Variants in UBE2S observed in about 807,000 individuals in gnomAD.
UBE2S encodes the protein ubiquitin conjugating enzyme E2 S.
UBE2S carries 3 observed loss-of-function variants against 12.3 expected under a neutral mutation model. The ratio of observed to expected loss-of-function variants is 0.24; its 90% CI spans 0.11 to 0.63. UBE2S has a LOEUF of 0.63. Ranked by LOEUF, UBE2S falls within the 30% of genes least tolerant of loss-of-function variation. The pLI, the probability that UBE2S is intolerant of heterozygous loss-of-function variation, is 0.85. For synonymous variants in UBE2S, 133 were observed against 142.0 expected (o/e 0.94, Z 0.45); for missense variants, 211 against 313.9 (o/e 0.67, Z 2.48).
At chr19:55,407,037 C>G in intron 1 of UBE2S, 75 bp from the exon 2 acceptor site, 2 of 1,541,886 alleles carry the variant, frequency 1.3e-6, no homozygotes, top group East Asian at 4.6e-5. Flanking sequence ...GATGCTGAGA[C>G]TGCCCAAGTC....
intron 3 of UBE2S, among the ~76,000 whole-genome samples, chr19:55,402,142 A>G (rs1193026585): frequency 2.6e-5 from 4 of 152,198 alleles, no homozygotes; most frequent in Non-Finnish European, 5.9e-5. Flanking sequence ...GCAGTTCAGC[A>G]TGACCTTAGA....
chr19:55,404,000 C>T (rs2090080199), intron 3 of UBE2S: 2 of 376,144 alleles, frequency 5.3e-6, no homozygotes, highest in Non-Finnish European at 9.9e-6. Context: ...CCTGGCCTAC[C>T]CTATCCTTGT....
chr19:55,403,146 C>T, intron 3 of UBE2S: 1 of 739,748 alleles, frequency 1.4e-6, no homozygotes, highest in Non-Finnish European at 2.4e-6. Context: ...CCTTTCTGGT[C>T]TCCTGACAAT....
chr19:55,405,211 C>CAAAAAA (rs71181761), intron 2 of UBE2S, among the ~76,000 whole-genome samples: 16 of 95,190 alleles, frequency 1.7e-4, no homozygotes, highest in East Asian at 4.2e-4. Flanking sequence ...ACTCTGTTTC[C>CAAAAAA]AAAAAAAAAA....
chr19:55,401,835 G>T (rs2090061768), intron 3 of UBE2S, 73 bp from the exon 4 acceptor site: 1 of 1,525,162 alleles, frequency 6.6e-7, no homozygotes, highest in Non-Finnish European at 9.0e-7. Context: ...CAAGAGGGTG[G>T]CCTCCGCACT....
chr19:55,403,330 A>T (rs534205405), intron 3 of UBE2S: 1 of 529,188 alleles, frequency 1.9e-6, no homozygotes, highest in African/African-American at 1.9e-5. Flanking sequence ...AAACCATAAA[A>T]ATATAAAAAC....
chr19:55,403,499 AAAGAAAGGAAAGAAAGGG>A (rs1257516935), intron 3 of UBE2S, among the ~76,000 whole-genome samples: 1 of 123,254 alleles, frequency 8.1e-6, no homozygotes, highest in Non-Finnish European at 1.6e-5. Flanking sequence ...AAACAAAAAG[AAAGAAAGGAAAGAAAGGG>A]AAGAAAGAAA....
At position 55,407,721 on chromosome 19, in the gene UBE2S, C is replaced by G. The variant is rs887841999; in HGVS notation, c.-132G>C. ...CCCGGCGGCCCCGCTCCGCTCCCCG[C>G]TGCCTCCGACGTCCGCCGCGCACAG... On this transcript the variant is annotated 5_prime_UTR_variant, in exon 1 of 4. Coordinates refer to ENST00000264552, the MANE Select transcript of UBE2S (RefSeq NM_014501.3). The G allele has an allele frequency of 8.7e-5, 55 of 631,398 alleles. No homozygotes were observed. The highest frequency in any genetic ancestry group is 8.2e-4 in the Admixed American group (18 of 21,892). The allele number at this position is 631,398 out of a possible 1,614,324, so 39.1% of individuals were successfully genotyped here.
At position 55,403,506 on chromosome 19, in the gene UBE2S, GGAAA is replaced by G. The variant is rs200895357; in HGVS notation, c.342+778_342+781del. On this transcript the variant is annotated intron_variant, in intron 3 of 3. Coordinates refer to ENST00000264552, the MANE Select transcript of UBE2S (RefSeq NM_014501.3). ...TATCTTTAAAACAAAAAGAAAGAAA[GGAAA>G]GAAAGGGAAGAAAGAAAAAGGAAAG... Among the ~76,000 whole-genome samples, 97 of 122,100 alleles carry G rather than the reference GGAAA, an allele frequency of 7.9e-4. No homozygotes were observed. The East Asian group carries it at 0.019, about 24-fold the overall frequency. The allele number at this position is 122,100 out of a possible 152,430, so 80.1% of individuals were successfully genotyped here.
chr19:55,403,174 G>A (rs569064028), intron 3 of UBE2S: 1 of 679,368 alleles, frequency 1.5e-6, no homozygotes, highest in South Asian at 1.6e-5. Flanking sequence ...ACCCCTTGGG[G>A]GGCAAAATCA....
At chr19:55,406,101 G>A (rs1043322919) in intron 2 of UBE2S, among the ~76,000 whole-genome samples, 1 of 152,282 alleles carries the variant, frequency 6.6e-6, no homozygotes. Flanking sequence ...CTTTCTTCAT[G>A]TGTTTTTACC....
rs537955717 is a variant in UBE2S at position 55,404,129 on chromosome 19, G to GT, written c.342+158dup. The GT allele has an allele frequency of 2.0e-4, 191 of 970,522 alleles. No homozygotes were observed. The African/African-American group carries it at 3.0e-3, about 15-fold the overall frequency. 60.1% of individuals were successfully genotyped at this position (970,522 alleles called of 1,614,324 possible). On this transcript the variant is annotated intron_variant, in intron 3 of 3. Coordinates refer to ENST00000264552, the MANE Select transcript of UBE2S (RefSeq NM_014501.3). This position sits in a 1 kb window ranked among gnomAD's most constrained non-coding sequence, Gnocchi z 4.4. Reference sequence around the variant, plus strand: ...ACTTGGGTGTCCTGGGTCTGGCACTGTTTGTCTTTCCAGGAAAGCTAGCAA... The same window carrying GT: ...ACTTGGGTGTCCTGGGTCTGGCACTGTTTTGTCTTTCCAGGAAAGCTAGCAA...
chr19:55,401,962 C>T (rs1167693360), intron 3 of UBE2S, among the ~76,000 whole-genome samples, 200 bp from the exon 4 acceptor site: 4 of 152,210 alleles, frequency 2.6e-5, no homozygotes. Context: ...TGCCTCACAG[C>T]AGATGTTCCC....
intron 3 of UBE2S, among the ~76,000 whole-genome samples, chr19:55,403,464 G>C (rs1341658232): frequency 6.6e-6 from 1 of 151,948 alleles, no homozygotes; most frequent in South Asian, 2.1e-4. Flanking sequence ...ACTCCAGCCT[G>C]GGCAACAAAG....
chr19:55,405,538 C>A (rs1047144778), intron 2 of UBE2S, among the ~76,000 whole-genome samples: 1 of 151,882 alleles, frequency 6.6e-6, no homozygotes, highest in African/African-American at 2.4e-5. Context: ...GCAAGAATGG[C>A]TGGGTTCCTA....
chr19:55,402,461 G>A (rs1028990919), intron 3 of UBE2S, among the ~76,000 whole-genome samples: 2 of 152,218 alleles, frequency 1.3e-5, no homozygotes, highest in South Asian at 2.1e-4. Context: ...AAATTGGAGT[G>A]CAGAGGTGTG....
Position 55,406,876 on chromosome 19 carries a change from G to A in UBE2S, c.90C>T (p.Gly30=), listed in dbSNP as rs1233290958. ...VTTLTADPPD[G]IKVFPNEEDL... ...CCTCCTCGTTGGGAAAGACCTTGAT[G>A]CCATCGGGTGGGTCTGCGGTCAGTG... Residue 30 remains glycine (G), a synonymous_variant, in exon 2 of 4, where the codon GGC becomes GGT. Coordinates refer to ENST00000264552, the MANE Select transcript of UBE2S (RefSeq NM_014501.3). The A allele has an allele frequency of 6.2e-7, 1 of 1,613,886 alleles. No homozygotes were observed. Among genetic ancestry groups the A allele is most frequent in the East Asian group, 2.2e-5 (1 of 44,876 alleles).
intron 3 of UBE2S, chr19:55,402,819 G>A: frequency 1.3e-6 from 1 of 753,554 alleles, no homozygotes; most frequent in South Asian, 1.9e-5. Flanking sequence ...GGAAGGGTTT[G>A]GGGTCTGTTT....
chr19:55,406,431 T>C (rs1263553272), intron 2 of UBE2S, among the ~76,000 whole-genome samples: 4 of 152,188 alleles, frequency 2.6e-5, no homozygotes, highest in South Asian at 2.1e-4. Flanking sequence ...TCCTCATCCC[T>C]GACACTCACA....
Sources: allele counts gnomAD v4.1 joint callset (sites outside exome capture counted in the v4.1 genomes callset), GRCh38; gene constraint gnomAD v4.1.1; non-coding constraint Gnocchi (gnomAD v3.1); transcripts MANE v1.5; gene names NCBI Gene and HGNC (gene_info 2026-07-23, HGNC 2026-07-21).